Variants in RBFOX1 observed in about 807,000 individuals in gnomAD.
RBFOX1 encodes the protein RNA binding protein fox-1 homolog 1.
RBFOX1 carries 8 observed loss-of-function variants against 57.7 expected under a neutral mutation model. The observed-to-expected ratio is 0.14, with a 90% CI of 0.08 to 0.25. RBFOX1 has a LOEUF of 0.25. Ranked by LOEUF, RBFOX1 falls within the 10% of genes least tolerant of loss-of-function variation. The pLI, the probability that RBFOX1 is intolerant of heterozygous loss-of-function variation, is 1.00. For missense variants in RBFOX1, 611 were observed against 548.5 expected (o/e 1.11, Z -1.14); for synonymous variants, 326 against 222.4 (o/e 1.47, Z -4.15).
chr16:6,435,508 T>C (rs1004913303), intron 2 of RBFOX1, among the ~76,000 whole-genome samples: 4 of 152,166 alleles, frequency 2.6e-5, no homozygotes, highest in Middle Eastern at 3.2e-3. Context: ...TTCCCCATGT[T>C]GGCCAGGCTC....
chr16:5,390,909 G>A (rs1596808153), intron 1 of RBFOX1, among the ~76,000 whole-genome samples: 1 of 152,204 alleles, frequency 6.6e-6, no homozygotes, highest in Non-Finnish European at 1.5e-5. Flanking sequence ...GCATAGGCTT[G>A]GAGAGGGAAG....
intron 4 of RBFOX1, among the ~76,000 whole-genome samples, chr16:7,388,028 C>T (rs1207024523): frequency 6.6e-6 from 1 of 150,928 alleles, no homozygotes; most frequent in African/African-American, 2.4e-5. Flanking sequence ...AACAAAATAT[C>T]CTTTTTTTTG....
At chr16:6,796,567 A>G (rs2084102406) in intron 3 of RBFOX1, among the ~76,000 whole-genome samples, 1 of 152,208 alleles carries the variant, frequency 6.6e-6, no homozygotes, top group African/African-American at 2.4e-5. Context: ...TATTTCATTT[A>G]TCTACTTCCT....
chr16:7,439,331 C>G (rs1339595034), intron 4 of RBFOX1, among the ~76,000 whole-genome samples: 2 of 150,376 alleles, frequency 1.3e-5, no homozygotes, highest in Non-Finnish European at 2.9e-5. Flanking sequence ...CGTCATGAGT[C>G]TGTACTGGCT....
intron 4 of RBFOX1, among the ~76,000 whole-genome samples, chr16:7,445,925 C>T (rs1483988200): frequency 1.3e-5 from 2 of 152,150 alleles, no homozygotes; most frequent in African/African-American, 4.8e-5. Flanking sequence ...AGCTGTGAAG[C>T]TTCGCTTTCC....
intron 3 of RBFOX1, among the ~76,000 whole-genome samples, chr16:6,984,831 G>C (rs994930276): frequency 2.6e-5 from 4 of 151,982 alleles, no homozygotes; most frequent in African/African-American, 9.7e-5. Flanking sequence ...AGCAGAGATG[G>C]GGTTTCACCA....
intron 1 of RBFOX1, among the ~76,000 whole-genome samples, chr16:6,214,015 C>G (rs1460522122): frequency 6.6e-6 from 1 of 152,198 alleles, no homozygotes; most frequent in Admixed American, 6.5e-5. Context: ...GCATAATCAC[C>G]TCTGCTTGAG....
At chr16:7,021,300 C>T (rs907833046) in intron 3 of RBFOX1, among the ~76,000 whole-genome samples, 1 of 147,928 alleles carries the variant, frequency 6.8e-6, no homozygotes, top group African/African-American at 2.5e-5. Context: ...TTTTCTCTCT[C>T]TCTCTATATA....
At chr16:6,359,129 G>T (rs764264999) in intron 2 of RBFOX1, among the ~76,000 whole-genome samples, 2 of 152,096 alleles carry the variant, frequency 1.3e-5, no homozygotes, top group Non-Finnish European at 2.9e-5. Flanking sequence ...GTCTAGCTCT[G>T]TCACCCAGGC....
intron 3 of RBFOX1, among the ~76,000 whole-genome samples, chr16:6,663,131 A>G (rs1449176949): frequency 6.6e-6 from 1 of 152,172 alleles, no homozygotes; most frequent in African/African-American, 2.4e-5. Context: ...AGACTGGAGG[A>G]TGGGTCTGAA....
chr16:7,194,605 G>C (rs537850819), intron 4 of RBFOX1, among the ~76,000 whole-genome samples: 1 of 152,180 alleles, frequency 6.6e-6, no homozygotes, highest in Admixed American at 6.5e-5. Context: ...CCCTTTCCCA[G>C]AAACACTTCG....
chr16:7,083,162 T>TA (rs1389888665), intron 4 of RBFOX1, among the ~76,000 whole-genome samples: 8 of 152,090 alleles, frequency 5.3e-5, no homozygotes, highest in Non-Finnish European at 1.0e-4. Flanking sequence ...AACATAGAAA[T>TA]AATTTGCTGA....
chr16:6,297,240 C>T (rs758848433), intron 1 of RBFOX1, among the ~76,000 whole-genome samples: 1 of 152,230 alleles, frequency 6.6e-6, no homozygotes, highest in East Asian at 1.9e-4. Flanking sequence ...GTGCCAACCT[C>T]CTATCTCATC....
At chr16:6,077,400 G>A (rs1043962639) in intron 1 of RBFOX1, among the ~76,000 whole-genome samples, 3 of 152,194 alleles carry the variant, frequency 2.0e-5, no homozygotes, top group Non-Finnish European at 2.9e-5. Context: ...TTTGGGGCAA[G>A]CCTGTTTATT....
At chr16:6,394,482 C>G (rs190732516) in intron 2 of RBFOX1, among the ~76,000 whole-genome samples, 114 of 148,552 alleles carry the variant, frequency 7.7e-4, no homozygotes, top group Non-Finnish European at 1.4e-3. Context: ...TAAATTTACC[C>G]CCCAGAATAG....
chr16:6,972,554 C>A (rs1292056791), intron 3 of RBFOX1, among the ~76,000 whole-genome samples: 2 of 152,088 alleles, frequency 1.3e-5, no homozygotes, highest in Non-Finnish European at 2.9e-5. Flanking sequence ...CATGGGGATA[C>A]AAATATATTG....
At chr16:5,806,013 A>T (rs569212724) in intron 3 of RBFOX1, among the ~76,000 whole-genome samples, 7 of 152,260 alleles carry the variant, frequency 4.6e-5, no homozygotes, top group African/African-American at 1.7e-4. Flanking sequence ...GAACATGGGT[A>T]TCAGGAGCTC....
chr16:6,946,868 C>T (rs1315236049), intron 3 of RBFOX1, among the ~76,000 whole-genome samples: 2 of 152,246 alleles, frequency 1.3e-5, no homozygotes, highest in South Asian at 2.1e-4. Flanking sequence ...CTTGGCCTCC[C>T]CAAGTGCTGG....
rs370995950 is a variant in RBFOX1, at chr16:7,064,317, C to T, written c.27+12219C>T. Among the ~76,000 whole-genome samples the T allele has an allele frequency of 5.5e-4, 84 of 151,854 alleles. 1 individual carries two copies. Among genetic ancestry groups the T allele is most frequent in the African/African-American group, 1.6e-3 (66 of 41,422 alleles). On this transcript the variant is annotated intron_variant, in intron 4 of 15. Coordinates refer to ENST00000550418, the MANE Select transcript of RBFOX1 (RefSeq NM_018723.4). ...CTGAGTAGCTGGGCCTACAGGCACC[C>T]GCCACCATACCCAGCTAATTTTTGT...
Sources: gnomAD v4.1 joint callset for allele counts (sites outside exome capture counted in the v4.1 genomes callset) on GRCh38, gnomAD v4.1.1 for gene constraint, MANE v1.5 for transcripts, NCBI Gene and HGNC (gene_info 2026-07-23, HGNC 2026-07-21) for gene names.